The following FBXO36 variants were observed in gnomAD, a reference collection of about 807,000 sequenced individuals.
The protein encoded by FBXO36 is F-box protein 36.
FBXO36 carries 18 observed loss-of-function variants against 17.0 expected under a neutral mutation model. That is an observed-to-expected ratio of 1.06 (90% CI 0.73 to 1.57). The LOEUF (loss-of-function observed/expected upper bound fraction) is 1.57. FBXO36 is among the 40% of genes most tolerant of loss of function. The pLI, the probability that FBXO36 is intolerant of heterozygous loss-of-function variation, is 0.00. For missense variants in FBXO36, 229 were observed against 221.9 expected, an observed-to-expected ratio of 1.03 and a Z score of -0.20; for synonymous variants, 83 against 85.3, an observed-to-expected ratio of 0.97 and a Z score of 0.15.
chr2:229,977,903 G>A (rs557987418), intron 2 of FBXO36, among the ~76,000 whole-genome samples: 19 of 152,208 alleles, frequency 1.2e-4, no homozygotes, highest in Non-Finnish European at 2.5e-4. Context: ...ATCTACTTTA[G>A]AATGTGTCTC....
At chr2:229,984,818 T>G (rs554221086) in intron 2 of FBXO36, among the ~76,000 whole-genome samples, 2 of 152,306 alleles carry the variant, frequency 1.3e-5, no homozygotes, top group East Asian at 1.9e-4. Context: ...AATCCTCAAT[T>G]GATGGGCATT....
At chr2:229,929,802 T>A (rs1490019163) in intron 1 of FBXO36, among the ~76,000 whole-genome samples, 2 of 152,142 alleles carry the variant, frequency 1.3e-5, no homozygotes, top group African/African-American at 4.8e-5. Context: ...GAGGTTGCAG[T>A]GAGCAGAGAT....
At chr2:229,941,449 C>CT (rs2076998354) in intron 1 of FBXO36, among the ~76,000 whole-genome samples, 1 of 150,502 alleles carries the variant, frequency 6.6e-6, no homozygotes, top group African/African-American at 2.4e-5. Context: ...AGCGAGACTC[C>CT]GTCTCAAAAA....
At chr2:229,981,714 A>G (rs956303659) in intron 2 of FBXO36, among the ~76,000 whole-genome samples, 4 of 147,460 alleles carry the variant, frequency 2.7e-5, no homozygotes, top group Non-Finnish European at 6.0e-5. Flanking sequence ...AAAAAAAAAA[A>G]AAAGAAAGAA....
intron 2 of FBXO36, among the ~76,000 whole-genome samples, chr2:229,994,694 G>A (rs986800296): frequency 3.9e-5 from 6 of 152,152 alleles, no homozygotes; most frequent in African/African-American, 1.4e-4. Flanking sequence ...AGCCATTTTT[G>A]GGAAGACTCC....
chr2:229,975,469 A>AT (rs67276148), intron 1 of FBXO36, among the ~76,000 whole-genome samples: 1,871 of 140,578 alleles, frequency 0.013, 15 homozygotes, highest in African/African-American at 0.026. Context: ...GACCTGATGG[A>AT]TTTTTTTTTT....
chr2:229,939,225 A>T, intron 1 of FBXO36: 1 of 985,122 alleles, frequency 1.0e-6, no homozygotes, highest in Non-Finnish European at 1.2e-6. Flanking sequence ...GGCCCAACAG[A>T]TACAACTTTC....
chr2:229,964,607 A>G (rs1406162666), intron 1 of FBXO36, among the ~76,000 whole-genome samples: 1 of 151,906 alleles, frequency 6.6e-6, no homozygotes, highest in African/African-American at 2.4e-5. Context: ...CACAGCCTCC[A>G]CCTCCCGGGT....
rs554071347 is a variant in FBXO36 at position 229,957,478 on chromosome 2, G to A, written c.97-18763G>A. 3.3e-5 allele frequency among the ~76,000 whole-genome samples: 5 copies of A among 152,292 alleles called. No individual in the cohort carries two copies. The East Asian group carries it at 7.7e-4, about 24-fold the overall frequency. ...TGTAATCCCAGCTACTCAGGAAGCT[G>A]AGGCAGGAGAATTGCTTGAACCCGG... On this transcript the variant is annotated intron_variant, in intron 1 of 3. Coordinates refer to ENST00000283946, the MANE Select transcript of FBXO36 (RefSeq NM_174899.5).
intron 2 of FBXO36, among the ~76,000 whole-genome samples, chr2:229,977,713 GT>G (rs2077217097): frequency 6.6e-6 from 1 of 152,124 alleles, no homozygotes; most frequent in Non-Finnish European, 1.5e-5. Flanking sequence ...GCCTCCCAGA[GT>G]GCTGGAATTA....
intron 1 of FBXO36, among the ~76,000 whole-genome samples, chr2:229,938,577 T>G (rs2076979143): frequency 6.7e-6 from 1 of 148,680 alleles, no homozygotes; most frequent in Admixed American, 6.7e-5. Context: ...CTCCGCCTCC[T>G]GGGTTCAAGC....
chr2:229,949,024 G>A (rs145631091), intron 1 of FBXO36, among the ~76,000 whole-genome samples: 2,526 of 152,120 alleles, frequency 0.017, 69 homozygotes, highest in African/African-American at 0.058. Flanking sequence ...TAGTGGAGAC[G>A]GGGTTTCACC....
At chr2:229,930,993 A>G (rs908091615) in intron 1 of FBXO36, among the ~76,000 whole-genome samples, 7 of 152,200 alleles carry the variant, frequency 4.6e-5, no homozygotes, top group Non-Finnish European at 1.0e-4. Flanking sequence ...TGTTTGACAC[A>G]CTTCAGAAAA....
intron 1 of FBXO36, among the ~76,000 whole-genome samples, chr2:229,963,031 T>C (rs1465249013): frequency 1.3e-5 from 2 of 151,674 alleles, no homozygotes; most frequent in South Asian, 2.1e-4. Flanking sequence ...TGAGGTTATG[T>C]CAAAGTTCAT....
At chr2:229,964,331 A>T (rs1010174212) in intron 1 of FBXO36, among the ~76,000 whole-genome samples, 1 of 152,146 alleles carries the variant, frequency 6.6e-6, no homozygotes, top group Non-Finnish European at 1.5e-5. Context: ...AATTGTCCTC[A>T]TACCTCTTTG....
At chr2:230,003,340 T>C (rs938861163) in intron 3 of FBXO36, among the ~76,000 whole-genome samples, 2 of 152,066 alleles carry the variant, frequency 1.3e-5, no homozygotes, top group Non-Finnish European at 2.9e-5. Flanking sequence ...TTCTTTATTA[T>C]CATTTTATTT....
chr2:230,004,867 A>G (rs2077378581), intron 3 of FBXO36, among the ~76,000 whole-genome samples: 1 of 152,120 alleles, frequency 6.6e-6, no homozygotes, highest in South Asian at 2.1e-4. Context: ...TTAGCTGGGC[A>G]TGGTGGCACA....
Position 229,958,717 on chromosome 2 carries a change from C to G in FBXO36, c.97-17524C>G, listed in dbSNP as rs575333276. 2.6e-5 allele frequency among the ~76,000 whole-genome samples: 4 copies of G among 152,294 alleles called. No homozygotes were observed. In the South Asian group the frequency reaches 8.3e-4, roughly 32 times the overall value. On this transcript the variant is annotated intron_variant, in intron 1 of 3. Transcript: ENST00000283946. ...CTCTGCACTTGGGAGTGATGTCTCA[C>G]GGTGTCCCGCTGCAAGAGTGGATCT... is the stretch of plus-strand genomic sequence containing the variant.
At chr2:229,934,263 T>C (rs922299789) in intron 1 of FBXO36, among the ~76,000 whole-genome samples, 13 of 151,786 alleles carry the variant, frequency 8.6e-5, no homozygotes, top group African/African-American at 3.1e-4. Context: ...TAGCTGGGCA[T>C]GGTGGCAGGA....
Sources: allele counts gnomAD v4.1 joint callset (sites outside exome capture counted in the v4.1 genomes callset), GRCh38; gene constraint gnomAD v4.1.1; transcripts MANE v1.5; gene names NCBI Gene and HGNC (gene_info 2026-07-23, HGNC 2026-07-21).